Variants in XYLT1 observed in about 807,000 individuals in gnomAD.
XYLT1 encodes the protein xylosyltransferase 1, also known as beta-D-xylosyltransferase 1.
XYLT1 carries 36 observed loss-of-function variants against 91.3 expected under a neutral mutation model. That is an observed-to-expected ratio of 0.39 (90% CI 0.30 to 0.52). The LOEUF (loss-of-function observed/expected upper bound fraction) is 0.52, where lower values mean the gene tolerates loss of function less well. Among genes scored for constraint, XYLT1 ranks in the 20% least tolerant of loss-of-function variants. XYLT1 has a pLI of 0.68. For synonymous variants in XYLT1, 588 were observed against 532.0 expected, an observed-to-expected ratio of 1.11 and a Z score of -1.45; for missense variants, 1,242 against 1,284.5, an observed-to-expected ratio of 0.97 and a Z score of 0.51.
At chr16:17,138,739 C>A (rs2030865646) in intron 7 of XYLT1, 8 of 543,454 alleles carry the variant, frequency 1.5e-5, no homozygotes, top group Admixed American at 3.1e-5. Context: ...ATTACCAAGC[C>A]TCAGATTTTC....
At chr16:17,409,263 G>A (rs1459757704) in intron 1 of XYLT1, among the ~76,000 whole-genome samples, 1 of 152,128 alleles carries the variant, frequency 6.6e-6, no homozygotes, top group Non-Finnish European at 1.5e-5. Context: ...GAGAGAGGCC[G>A]GCAGTTTGAA....
Position 17,457,709 on chromosome 16 carries a change from G to A in XYLT1, c.363+12725C>T, listed in dbSNP as rs73529532. On this transcript the variant is annotated intron_variant, in intron 1 of 11. Transcript: ENST00000261381. ...CTGCAATACTTGATGACAAGCAAAC[G>A]GGGTTCTCAGTGTCTTTCATAACAG... 8.6e-3 allele frequency among the ~76,000 whole-genome samples: 1,311 copies of A among 152,284 alleles called. 14 individuals are homozygous for A. Among genetic ancestry groups the A allele is most frequent in the African/African-American group, 0.03 (1,247 of 41,562 alleles).
intron 4 of XYLT1, among the ~76,000 whole-genome samples, chr16:17,199,876 C>T (rs1460211960): frequency 6.6e-6 from 1 of 152,054 alleles, no homozygotes; most frequent in Admixed American, 6.6e-5. Flanking sequence ...GCTATTCCCA[C>T]AAAGTATGTG....
intron 1 of XYLT1, among the ~76,000 whole-genome samples, chr16:17,404,254 T>C (rs1313547781): frequency 1.3e-5 from 2 of 152,124 alleles, no homozygotes; most frequent in East Asian, 3.9e-4. Context: ...ATCCTGTCCC[T>C]TTTCCTCCTC....
chr16:17,143,513 A>G (rs888185274), intron 6 of XYLT1, among the ~76,000 whole-genome samples: 27 of 152,164 alleles, frequency 1.8e-4, no homozygotes, highest in Non-Finnish European at 3.4e-4. Flanking sequence ...GCCCTTATGA[A>G]TAACTCTATT....
chr16:17,326,552 G>A (rs1472017558), intron 2 of XYLT1, among the ~76,000 whole-genome samples: 2 of 151,914 alleles, frequency 1.3e-5, no homozygotes, highest in South Asian at 2.1e-4. Flanking sequence ...GGCCTGGCAC[G>A]GTGGCTCACG....
At chr16:17,286,663 C>A (rs1327154506) in intron 2 of XYLT1, among the ~76,000 whole-genome samples, 2 of 151,662 alleles carry the variant, frequency 1.3e-5, no homozygotes, top group Non-Finnish European at 2.9e-5. Flanking sequence ...CATCATCATC[C>A]TCATCATCAT....
chr16:17,164,026 G>A (rs1158352001), intron 5 of XYLT1, among the ~76,000 whole-genome samples: 1 of 64,772 alleles, frequency 1.5e-5, no homozygotes, highest in East Asian at 5.6e-4. Context: ...AAACAAGAGC[G>A]AAACTCTGTC....
At chr16:17,426,287 C>T (rs758332941) in intron 1 of XYLT1, among the ~76,000 whole-genome samples, 16 of 152,118 alleles carry the variant, frequency 1.1e-4, no homozygotes, top group Middle Eastern at 3.4e-3. Flanking sequence ...CGGCCGGGCA[C>T]GGTGGCTCAT....
At chr16:17,219,688 C>A (rs999486682) in intron 3 of XYLT1, among the ~76,000 whole-genome samples, 1 of 152,200 alleles carries the variant, frequency 6.6e-6, no homozygotes, top group Non-Finnish European at 1.5e-5. Flanking sequence ...GTCACCCAGG[C>A]TGGAGTGCAG....
At chr16:17,132,315 G>A (rs1294813534) in intron 9 of XYLT1, among the ~76,000 whole-genome samples, 1 of 152,106 alleles carries the variant, frequency 6.6e-6, no homozygotes, top group Admixed American at 6.5e-5. Context: ...GGTGGGTGTG[G>A]GGTGAGCTAT....
chr16:17,278,179 T>C (rs1202051562), intron 2 of XYLT1, among the ~76,000 whole-genome samples: 2 of 152,194 alleles, frequency 1.3e-5, no homozygotes, highest in Non-Finnish European at 2.9e-5. Context: ...CCCAGACTTC[T>C]GAAGTCTGGC....
chr16:17,255,786 T>C (rs1052434341), intron 3 of XYLT1, among the ~76,000 whole-genome samples: 1 of 152,062 alleles, frequency 6.6e-6, no homozygotes, highest in Non-Finnish European at 1.5e-5. Context: ...GGTGTGTGGA[T>C]CATTTGAGGT....
At chr16:17,436,072 G>A (rs1254179115) in intron 1 of XYLT1, among the ~76,000 whole-genome samples, 1 of 152,084 alleles carries the variant, frequency 6.6e-6, no homozygotes, top group Non-Finnish European at 1.5e-5. Context: ...CATGAGATCT[G>A]ATGGTTTAAT....
At chr16:17,138,232 T>C (rs2030829825) in intron 8 of XYLT1, 123 bp downstream of exon 8, 1 of 887,502 alleles carries the variant, frequency 1.1e-6, no homozygotes, top group Non-Finnish European at 1.7e-6. Flanking sequence ...CTATTATTAA[T>C]TATCAACAGC....
intron 1 of XYLT1, among the ~76,000 whole-genome samples, chr16:17,364,466 G>A (rs8061659): frequency 0.51 from 77,760 of 151,976 alleles, 21,690 homozygotes; most frequent in African/African-American, 0.72. Context: ...TACAACCTCA[G>A]AAATGATCTT....
At chr16:17,162,713 C>T (rs114797309) in intron 5 of XYLT1, among the ~76,000 whole-genome samples, 301 of 152,362 alleles carry the variant, frequency 2.0e-3, no homozygotes, top group African/African-American at 6.8e-3. Flanking sequence ...AGGCCCCACC[C>T]AATACCTATT....
At chr16:17,199,296 C>T (rs1479372449) in intron 4 of XYLT1, among the ~76,000 whole-genome samples, 1 of 152,142 alleles carries the variant, frequency 6.6e-6, no homozygotes, top group Admixed American at 6.5e-5. Context: ...CAAGGTAGCT[C>T]GGGAGTCAGC....
At chr16:17,296,422 C>T (rs2034311786) in intron 2 of XYLT1, among the ~76,000 whole-genome samples, 1 of 152,112 alleles carries the variant, frequency 6.6e-6, no homozygotes, top group African/African-American at 2.4e-5. Context: ...AAACCTACAG[C>T]CTTGCCTAAA....
Sources: gnomAD v4.1 joint callset for allele counts (sites outside exome capture counted in the v4.1 genomes callset) on GRCh38, gnomAD v4.1.1 for gene constraint, MANE v1.5 for transcripts, NCBI Gene and HGNC (gene_info 2026-07-23, HGNC 2026-07-21) for gene names.